Variants in ZNF320 observed in about 807,000 individuals in gnomAD.
The protein encoded by ZNF320 is zinc finger gene 320.
A neutral mutation model predicts 6.8 loss-of-function variants in ZNF320; 2 were observed. The observed-to-expected ratio is 0.29, with a 90% CI of 0.12 to 0.93. ZNF320 has a LOEUF of 0.93. ZNF320 is among the 40% of genes least tolerant of loss of function. The pLI is 0.55. For synonymous variants in ZNF320, 208 were observed against 203.2 expected, an observed-to-expected ratio of 1.02 and a Z score of -0.20; for missense variants, 472 against 611.0, an observed-to-expected ratio of 0.77 and a Z score of 2.40.
At chr19:52,860,182 G>T (rs1281806553), downstream of ZNF320, among the ~76,000 whole-genome samples, 4 of 152,178 alleles carry the variant, frequency 2.6e-5, no homozygotes, top group Non-Finnish European at 5.9e-5. Flanking sequence ...AAAGTGCTGG[G>T]ATTACAGGCG....
At chr19:52,903,456 C>T in the ZNF320 span, among the ~76,000 whole-genome samples, 14 of 152,132 alleles carry the variant, frequency 9.2e-5, no homozygotes, top group African/African-American at 3.1e-4. Context: ...CCAGGTGTAA[C>T]TGTCTGTGTA....
In ZNF320 at chr19:52,880,689, A is replaced by C. The variant is rs774924865; in HGVS notation, c.1437T>G (p.Ser479Arg). 121 of 1,613,824 alleles carry C rather than the reference A, an allele frequency of 7.5e-5. No individual in the cohort carries two copies. Among genetic ancestry groups the C allele is most frequent in the Non-Finnish European group, 1.0e-4 (119 of 1,179,864 alleles). Residue 479 changes from serine (S) to arginine (R), a missense_variant, in exon 6 of 6, where the codon AGT (serine) becomes AGG (arginine). This residue lies in a region of ZNF320 where 462 missense variants were observed against 559.7 expected (regional missense o/e 0.83). Coordinates refer to ENST00000682928, the MANE Select transcript of ZNF320 (RefSeq NM_001351774.2). Reference protein sequence around the residue: ...YKCHQCGKVFSLRSLLAEHQK... With the variant: ...YKCHQCGKVFRLRSLLAEHQK... Reference sequence around the variant, plus strand: ...GATGTTCTGCAAGGAGTGACCTCAGACTAAAGACCTTGCCACACTGATGAC... The same window carrying C: ...GATGTTCTGCAAGGAGTGACCTCAGCCTAAAGACCTTGCCACACTGATGAC...
chr19:52,899,548 C>T (rs1466754578), upstream of ZNF320, among the ~76,000 whole-genome samples: 1 of 152,158 alleles, frequency 6.6e-6, no homozygotes, highest in African/African-American at 2.4e-5. Flanking sequence ...CTGCAAGCTC[C>T]ACCTCCCGGG....
In ZNF320 at chr19:52,865,582, TG is replaced by T. The variant is rs1431364936; in HGVS notation, c.224-1424del. On this transcript the variant is annotated intron_variant, in intron 5 of 5. Transcript: ENST00000673631. Reference sequence around the variant, plus strand: ...ATATGATCATACATATATATTTATATGATTATACATATATTTATATATGAGA... The same window carrying T: ...ATATGATCATACATATATATTTATATATTATACATATATTTATATATGAGA... 3.5e-4 allele frequency among the ~76,000 whole-genome samples: 46 copies of T among 130,370 alleles called. 2 individuals are homozygous for T. The highest frequency in any genetic ancestry group is 1.3e-3 in the African/African-American group (42 of 31,380). The allele number at this position is 130,370 out of a possible 152,430, so 85.5% of individuals were successfully genotyped here.
intron 5 of ZNF320, among the ~76,000 whole-genome samples, chr19:52,883,448 ATTTATAC>A (rs1418888344): frequency 2.0e-5 from 3 of 152,164 alleles, no homozygotes; most frequent in Non-Finnish European, 2.9e-5. Flanking sequence ...TAATAAGTCA[ATTTATAC>A]TGCCTGCAGA....
At position 52,881,863 on chromosome 19, in the gene ZNF320, TG is replaced by T. The variant is rs760448824; in HGVS notation, c.262del (p.Gln88ArgfsTer26). 2 of 1,613,936 alleles carry T rather than the reference TG, an allele frequency of 1.2e-6. No homozygotes were observed. The highest frequency in any genetic ancestry group is 1.7e-6 in the Non-Finnish European group (2 of 1,179,856). On this transcript the variant is annotated frameshift_variant, in exon 6 of 6. Transcript: ENST00000682928. LOFTEE classifies it low-confidence loss of function (END_TRUNC). ...ASYHIGAFCS[Q>X]EIEKDIHDFV... ...GTCATGAATGTCTTTCTCAATTTCCTGGGAGCAAAATGCTCCAATGTGATAA... is the reference window on the plus strand; with the variant it reads ...GTCATGAATGTCTTTCTCAATTTCCTGGAGCAAAATGCTCCAATGTGATAA...
intron 3 of ZNF320, 55 bp from the exon 4 acceptor site, chr19:52,890,383 T>G: frequency 7.5e-7 from 1 of 1,335,256 alleles, no homozygotes; most frequent in Non-Finnish European, 1.0e-6. Flanking sequence ...CCCCTCCCCA[T>G]AACACAATGA....
In ZNF320 at chr19:52,880,177, T is replaced by TA. The variant is rs1491228691; in HGVS notation, c.*418_*419insT. Reference sequence around the variant, plus strand: ...TCCTAGCTAACACGGTGAAACCCAGTCTCTACTAAAAATACAAAAAATTAC... The same window carrying TA: ...TCCTAGCTAACACGGTGAAACCCAGTACTCTACTAAAAATACAAAAAATTAC... On this transcript the variant is annotated 3_prime_UTR_variant, in exon 6 of 6. Transcript: ENST00000682928. The TA allele has an allele frequency of 6.4e-6, 1 of 155,390 alleles. No individual in the cohort carries two copies. The highest frequency in any genetic ancestry group is 2.4e-5 in the African/African-American group (1 of 41,382). The allele number at this position is 155,390 out of a possible 1,614,324, so 9.6% of individuals were successfully genotyped here.
At chr19:52,860,222 A>T (rs1485782131), downstream of ZNF320, among the ~76,000 whole-genome samples, 1 of 151,968 alleles carries the variant, frequency 6.6e-6, no homozygotes, top group Admixed American at 6.6e-5. Flanking sequence ...TGTTTTTCTT[A>T]CATAGGCGCC....
chr19:52,901,914 ATT>A (rs34240773), upstream of ZNF320, among the ~76,000 whole-genome samples: 1 of 147,846 alleles, frequency 6.8e-6, no homozygotes, highest in African/African-American at 2.5e-5. Context: ...TTCAACTGCC[ATT>A]TTTTTTTTTC....
Position 52,881,999 on chromosome 19 carries a change from A to G in ZNF320, c.143-16T>C, listed in dbSNP as rs761800624. The G allele has an allele frequency of 3.8e-6, 6 of 1,596,524 alleles. No homozygotes were observed. The African/African-American group carries it at 5.4e-5, about 14-fold the overall frequency. ...GAAGAGATATCTACAAAATATAAAC[A>G]CCAATAGGTTTCCAATTAAGTACAG... On this transcript the variant is annotated splice_polypyrimidine_tract_variant and intron_variant, in intron 5 of 5. Coordinates refer to ENST00000682928, the MANE Select transcript of ZNF320 (RefSeq NM_001351774.2).
At chr19:52,870,827 C>CT (rs2063668280) in intron 5 of ZNF320, among the ~76,000 whole-genome samples, 1 of 152,162 alleles carries the variant, frequency 6.6e-6, no homozygotes, top group Non-Finnish European at 1.5e-5. Context: ...TGTATCTTCA[C>CT]TTTCCATTCC....
In ZNF320 at chr19:52,864,105, G is replaced by GC; in HGVS notation, c.277_278insG (p.Thr93SerfsTer14). ...AAAGCGTTCTGTGCAGGGTCCAGGC[G>GC]TTTCCACTCCAGCAAAGAGAACTCT... On this transcript the variant is annotated frameshift_variant, in exon 6 of 6. Coordinates refer to the ZNF320 transcript ENST00000673631. LOFTEE classifies it low-confidence loss of function (END_TRUNC). 2 of 351,170 alleles carry GC rather than the reference G, an allele frequency of 5.7e-6. No homozygotes were observed. The highest frequency in any genetic ancestry group is 5.3e-5 in the South Asian group (2 of 37,978). The allele number at this position is 351,170 out of a possible 1,614,324, so 21.8% of individuals were successfully genotyped here.
chr19:52,861,669 C>G, exon 6 of ZNF320: 1 of 226,772 alleles, frequency 4.4e-6, no homozygotes, highest in South Asian at 7.6e-5. Flanking sequence ...TGCTTGAACT[C>G]AATGTTAAAT....
chr19:52,871,603 C>A (rs559337003), downstream of ZNF320, among the ~76,000 whole-genome samples: 8 of 152,220 alleles, frequency 5.3e-5, no homozygotes, highest in Non-Finnish European at 1.0e-4. Context: ...TGGCATCAAT[C>A]CCAAACATGT....
chr19:52,881,261 C>A lies in ZNF320; in HGVS notation c.865G>T (p.Val289Leu), dbSNP rs557716050. 6.2e-7 allele frequency: 1 copy of A among 1,613,978 alleles called. No individual in the cohort carries two copies. The change falls in exon 6 of 6, where the codon GTA becomes TTA. Residue 289 changes from valine to leucine, a missense_variant. Val to Leu is a conservative substitution (Grantham distance 32). Transcript: ENST00000682928. ...GCAGTATGAACTGCCTTATGAATTA[C>A]GAGGACTGAATTTCGAGCGAAGGTC... The part of the protein sequence containing the change: ...GKTFARNSVL[V>L]IHKAVHTAEK...
intron 4 of ZNF320, 145 bp downstream of exon 4, chr19:52,890,096 A>G: frequency 7.4e-7 from 1 of 1,352,124 alleles, no homozygotes; most frequent in Non-Finnish European, 1.0e-6. Flanking sequence ...TCTAAGTGAG[A>G]TAAGAGGGAC....
chr19:52,862,631 GC>G, exon 6 of ZNF320: 1 of 539,912 alleles, frequency 1.9e-6, no homozygotes, highest in South Asian at 1.9e-5. Context: ...AATAGGCGAT[GC>G]CCTCACCCTA....
At chr19:52,866,101 T>A in intron 5 of ZNF320, among the ~76,000 whole-genome samples, 1 of 98,490 alleles carries the variant, frequency 1.0e-5, no homozygotes, top group East Asian at 2.4e-4. Context: ...TATATATGTA[T>A]GATTATACAT....
Sources: gnomAD v4.1 joint callset for allele counts (sites outside exome capture counted in the v4.1 genomes callset) on GRCh38, gnomAD v4.1.1 for gene constraint, gnomAD v4.1.1 regional missense constraint, MANE v1.5 for transcripts, NCBI Gene and HGNC (gene_info 2026-07-23, HGNC 2026-07-21) for gene names.